Variants in FSIP1 observed in about 807,000 individuals in gnomAD.
The protein encoded by FSIP1 is fibrous sheath interacting protein 1, also known as fibrous sheath-interacting protein 1.
FSIP1 carries 65 observed loss-of-function variants against 60.9 expected under a neutral mutation model. The observed-to-expected ratio is 1.07, with a 90% confidence interval of 0.87 to 1.31. The LOEUF is 1.31. Ranked by LOEUF, FSIP1 falls within the 40% of genes most tolerant of loss-of-function variation. The pLI is 0.00. For synonymous variants in FSIP1, 209 were observed against 221.2 expected (o/e 0.94, Z 0.49); for missense variants, 675 against 665.5 (o/e 1.01, Z -0.16).
intron 10 of FSIP1, among the ~76,000 whole-genome samples, chr15:39,640,054 T>C (rs919412117): frequency 1.3e-5 from 2 of 152,188 alleles, no homozygotes; most frequent in Non-Finnish European, 2.9e-5. Context: ...AAATAAATAC[T>C]TAACGTGTAA....
intron 10 of FSIP1, among the ~76,000 whole-genome samples, chr15:39,708,197 G>A (rs1198981003): frequency 6.6e-6 from 1 of 152,152 alleles, no homozygotes; most frequent in Non-Finnish European, 1.5e-5. Context: ...TAGGCAAGCT[G>A]CAGGTGGCTC....
rs138828157 is a variant in FSIP1, at chr15:39,763,857, A to T, written c.523T>A (p.Phe175Ile). 109 of 1,599,322 alleles carry T rather than the reference A, an allele frequency of 6.8e-5. No individual in the cohort carries two copies. The African/African-American group carries it at 1.1e-3, about 17-fold the overall frequency. ...TCAGAAACAGCAGTCAAAGATAAAA[A>T]TTTTTTTGTATTTTCCATCTCCTCT... ...SKEEMENTKK[F>I]LSLTAVSEET... Residue 175 changes from phenylalanine to isoleucine, a missense_variant, in exon 5 of 12, where the codon TTT becomes ATT. Physicochemically the swap from Phe to Ile is conservative, Grantham distance 21. Transcript: ENST00000350221.
At chr15:39,689,634 G>C (rs1328366060) in intron 10 of FSIP1, among the ~76,000 whole-genome samples, 1 of 152,136 alleles carries the variant, frequency 6.6e-6, no homozygotes, top group Non-Finnish European at 1.5e-5. Flanking sequence ...TCTCACTCAG[G>C]ATATTACAAA....
chr15:39,695,302 T>G (rs1894771633), intron 10 of FSIP1, among the ~76,000 whole-genome samples: 1 of 151,710 alleles, frequency 6.6e-6, no homozygotes, highest in Non-Finnish European at 1.5e-5. Flanking sequence ...TCCCCATCTG[T>G]ACCCCGTGGC....
At chr15:39,678,084 A>T (rs1894015729) in intron 10 of FSIP1, among the ~76,000 whole-genome samples, 1 of 152,132 alleles carries the variant, frequency 6.6e-6, no homozygotes, top group African/African-American at 2.4e-5. Flanking sequence ...TATTTAATAC[A>T]TATATACACC....
intron 11 of FSIP1, among the ~76,000 whole-genome samples, chr15:39,604,577 G>A (rs1039223718): frequency 6.6e-6 from 1 of 151,968 alleles, no homozygotes; most frequent in Admixed American, 6.6e-5. Context: ...TATACACTAA[G>A]GTTTTATATT....
intron 10 of FSIP1, among the ~76,000 whole-genome samples, chr15:39,681,030 G>T (rs1352717779): frequency 6.6e-6 from 1 of 152,080 alleles, no homozygotes; most frequent in African/African-American, 2.4e-5. Flanking sequence ...ATTTGCCTGG[G>T]ATGGAGACCA....
chr15:39,647,373 T>C (rs539949755), intron 10 of FSIP1, among the ~76,000 whole-genome samples: 2 of 152,260 alleles, frequency 1.3e-5, no homozygotes, highest in African/African-American at 2.4e-5. Context: ...TTCAAATATA[T>C]ATAATTTTAA....
rs374111838 is a variant in FSIP1 at position 39,677,951 on chromosome 15, G to A, written c.1188+35493C>T. ...TTGGAGGTTGCCGTGAGCCAAGATC[G>A]CACCACTGCACTACAGCCTAGTGAC... On this transcript the variant is annotated intron_variant, in intron 10 of 11. Coordinates refer to ENST00000350221, the MANE Select transcript of FSIP1 (RefSeq NM_152597.5). Among the ~76,000 whole-genome samples, 10 of 150,414 alleles carry A rather than the reference G, an allele frequency of 6.6e-5. 1 individual carries two copies. The highest frequency in any genetic ancestry group is 1.2e-4 in the African/African-American group (5 of 40,880).
chr15:39,649,519 T>C (rs1892777021), intron 10 of FSIP1, among the ~76,000 whole-genome samples: 1 of 152,234 alleles, frequency 6.6e-6, no homozygotes, highest in Non-Finnish European at 1.5e-5. Context: ...TAAAAAGATC[T>C]CTTGCTTTTG....
At position 39,765,602 on chromosome 15, in the gene FSIP1, TC is replaced by T; in HGVS notation, c.454del (p.Glu152LysfsTer27). 1 of 1,579,120 alleles carries T rather than the reference TC, an allele frequency of 6.3e-7. No homozygotes were observed. Among genetic ancestry groups the T allele is most frequent in the Non-Finnish European group, 8.6e-7 (1 of 1,168,932 alleles). Reference sequence around the variant, plus strand: ...TTAGATAATTCTTACCTTAATTTCTTCCCACAGCTTTATTCTCATTTCTAGA... The same window carrying T: ...TTAGATAATTCTTACCTTAATTTCTTCCACAGCTTTATTCTCATTTCTAGA... Reference protein sequence around the residue: ...QGLEMRIKLWEEIKSAKYSEA... With the variant: ...QGLEMRIKLWXEIKSAKYSEA... On this transcript the variant is annotated frameshift_variant, in exon 4 of 12. Transcript: ENST00000350221. LOFTEE classifies it high-confidence loss of function.
chr15:39,706,087 T>C (rs936599744), intron 10 of FSIP1, among the ~76,000 whole-genome samples: 2 of 152,070 alleles, frequency 1.3e-5, no homozygotes, highest in African/African-American at 4.8e-5. Context: ...TAGAATTAAA[T>C]GGGTTAATAT....
intron 8 of FSIP1, among the ~76,000 whole-genome samples, chr15:39,729,402 C>A (rs562522388): frequency 6.6e-6 from 1 of 152,214 alleles, no homozygotes; most frequent in South Asian, 2.1e-4. Context: ...CAAAACCTCA[C>A]CTTTACAAAA....
intron 10 of FSIP1, 48 bp from the exon 11 acceptor site, chr15:39,618,293 A>T (rs1387300145): frequency 2.7e-6 from 4 of 1,487,600 alleles, no homozygotes; most frequent in Non-Finnish European, 3.6e-6. Flanking sequence ...CTGAGTAAAC[A>T]CATTTATTTT....
At chr15:39,636,461 G>A (rs902304602) in intron 10 of FSIP1, among the ~76,000 whole-genome samples, 2 of 152,156 alleles carry the variant, frequency 1.3e-5, no homozygotes, top group African/African-American at 2.4e-5. Flanking sequence ...ACACATCTGG[G>A]AGTAGGGCAG....
chr15:39,781,000 T>A (rs1191481364), intron 1 of FSIP1, among the ~76,000 whole-genome samples: 1 of 152,136 alleles, frequency 6.6e-6, no homozygotes, highest in East Asian at 1.9e-4. Flanking sequence ...TTGGAAGGCA[T>A]CAAAATTTAA....
At chr15:39,661,570 T>C (rs1384798145) in intron 10 of FSIP1, among the ~76,000 whole-genome samples, 1 of 152,246 alleles carries the variant, frequency 6.6e-6, no homozygotes, top group Non-Finnish European at 1.5e-5. Flanking sequence ...AATTCAAAGA[T>C]GACCAGGTAT....
At chr15:39,771,766 A>G (rs4924389) in intron 2 of FSIP1, among the ~76,000 whole-genome samples, 93,435 of 152,044 alleles carry the variant, frequency 0.61, 29,796 homozygotes, top group African/African-American at 0.79. Flanking sequence ...TATGTAATCC[A>G]GGAGGTGGTT....
chr15:39,646,130 G>A (rs1187012067), intron 10 of FSIP1, among the ~76,000 whole-genome samples: 2 of 152,194 alleles, frequency 1.3e-5, no homozygotes, highest in Non-Finnish European at 2.9e-5. Context: ...ACCACAAGGT[G>A]CAGAGAAGAC....
Sources: allele counts gnomAD v4.1 joint callset (sites outside exome capture counted in the v4.1 genomes callset), GRCh38; gene constraint gnomAD v4.1.1; transcripts MANE v1.5; gene names NCBI Gene and HGNC (gene_info 2026-07-23, HGNC 2026-07-21).